Variants in AFG2A observed in about 807,000 individuals in gnomAD.
AFG2A encodes AAA ATPase AFG2A.
chr4:123,188,520 G>C, the AFG2A span, among the ~76,000 whole-genome samples: 1 of 152,136 alleles, frequency 6.6e-6, no homozygotes, highest in East Asian at 1.9e-4. Flanking sequence ...GTCGATCATA[G>C]AGCAATCACA....
the AFG2A span, among the ~76,000 whole-genome samples, chr4:123,090,859 C>A: frequency 6.6e-6 from 1 of 152,350 alleles, no homozygotes; most frequent in Non-Finnish European, 1.5e-5. Context: ...TGGTTACCAT[C>A]TTGTCTGAGT....
At chr4:122,966,878 A>G in the AFG2A span, among the ~76,000 whole-genome samples, 1 of 152,160 alleles carries the variant, frequency 6.6e-6, no homozygotes, top group Non-Finnish European at 1.5e-5. Context: ...CAATTGTTTA[A>G]TGAAGTAATT....
At chr4:123,065,730 A>T in the AFG2A span, among the ~76,000 whole-genome samples, 7 of 152,180 alleles carry the variant, frequency 4.6e-5, no homozygotes, top group African/African-American at 1.4e-4. Flanking sequence ...TATTTTATGT[A>T]ACTTACTGAA....
chr4:123,100,245 TAAGAAGTTCTTTAATCCGATGAACA>T, the AFG2A span, among the ~76,000 whole-genome samples: 1 of 151,824 alleles, frequency 6.6e-6, no homozygotes, highest in South Asian at 2.1e-4. Context: ...GTCAGACTAT[TAAGAAGTTCTTTAATCCGATGAACA>T]AGCAGCTGTT....
chr4:122,931,293 T>G, the AFG2A span, among the ~76,000 whole-genome samples: 4 of 152,282 alleles, frequency 2.6e-5, no homozygotes, highest in East Asian at 7.7e-4. Flanking sequence ...ATATATTTGA[T>G]TCATGAAATT....
the AFG2A span, among the ~76,000 whole-genome samples, chr4:123,006,569 T>A: frequency 6.6e-6 from 1 of 152,172 alleles, no homozygotes; most frequent in Non-Finnish European, 1.5e-5. Context: ...TTTTTGGTAA[T>A]CTCTATCTAG....
At chr4:123,220,423 G>C in the AFG2A span, among the ~76,000 whole-genome samples, 14 of 151,238 alleles carry the variant, frequency 9.3e-5, no homozygotes, top group Admixed American at 9.2e-4. Context: ...CAGCCTGGCC[G>C]ATGTGGTGAA....
the AFG2A span, among the ~76,000 whole-genome samples, chr4:123,008,869 C>T: frequency 8.5e-5 from 13 of 152,156 alleles, no homozygotes; most frequent in African/African-American, 3.1e-4. Context: ...ATAAAGTTTT[C>T]TTTAATGTCC....
the AFG2A span, among the ~76,000 whole-genome samples, chr4:122,937,788 T>C: frequency 6.6e-6 from 1 of 152,188 alleles, no homozygotes; most frequent in African/African-American, 2.4e-5. Context: ...CTCCAAGGGA[T>C]AGTATCTCTG....
the AFG2A span, among the ~76,000 whole-genome samples, chr4:123,024,270 T>C: frequency 7.0e-6 from 1 of 142,842 alleles, no homozygotes; most frequent in African/African-American, 2.6e-5. Context: ...AAGCAACCTG[T>C]GGCACAACGG....
chr4:123,126,352 C>CT, the AFG2A span, among the ~76,000 whole-genome samples: 2 of 152,078 alleles, frequency 1.3e-5, no homozygotes, highest in Non-Finnish European at 2.9e-5. Context: ...CTCTACAAAT[C>CT]TTTTTTCTCT....
chr4:123,071,907 A>G, the AFG2A span, among the ~76,000 whole-genome samples: 4 of 152,210 alleles, frequency 2.6e-5, no homozygotes, highest in African/African-American at 9.6e-5. Flanking sequence ...ATTCATTGTT[A>G]AATATTTCTT....
At chr4:123,269,245 G>A in the AFG2A span, among the ~76,000 whole-genome samples, 1 of 152,160 alleles carries the variant, frequency 6.6e-6, no homozygotes, top group East Asian at 1.9e-4. Flanking sequence ...CTACTTTGGT[G>A]GGGTCCCTGT....
At chr4:122,980,101 C>T in the AFG2A span, among the ~76,000 whole-genome samples, 1 of 152,150 alleles carries the variant, frequency 6.6e-6, no homozygotes. Context: ...ACAAAGATCC[C>T]TCATGTTGTC....
At chr4:122,952,095 A>G in the AFG2A span, among the ~76,000 whole-genome samples, 2 of 152,214 alleles carry the variant, frequency 1.3e-5, no homozygotes, top group Non-Finnish European at 2.9e-5. Flanking sequence ...GCATACTAGC[A>G]TCAGGACCCC....
At chr4:123,130,929 GT>G in the AFG2A span, among the ~76,000 whole-genome samples, 46,616 of 149,340 alleles carry the variant, frequency 0.31, 7,318 homozygotes, top group South Asian at 0.48. Flanking sequence ...TATTGTCAGT[GT>G]TTTTTTTTTC....
chr4:123,271,923 A>G, the AFG2A span, among the ~76,000 whole-genome samples: 1 of 151,964 alleles, frequency 6.6e-6, no homozygotes, highest in African/African-American at 2.4e-5. Flanking sequence ...TCTCACTGGC[A>G]CATGAGTAAG....
chr4:122,959,281 T>C, the AFG2A span, among the ~76,000 whole-genome samples: 1 of 152,244 alleles, frequency 6.6e-6, no homozygotes, highest in South Asian at 2.1e-4. Flanking sequence ...GTGATAGTAA[T>C]GTGCTCTTCC....
At chr4:123,062,027 C>T in the AFG2A span, among the ~76,000 whole-genome samples, 1 of 152,150 alleles carries the variant, frequency 6.6e-6, no homozygotes, top group Non-Finnish European at 1.5e-5. Flanking sequence ...CCAGACAAGG[C>T]ACTTTGTAGT....
Sources: gnomAD v4.1 joint callset for allele counts (sites outside exome capture counted in the v4.1 genomes callset) on GRCh38, gnomAD v4.1.1 for gene constraint, MANE v1.5 for transcripts, NCBI Gene and HGNC (gene_info 2026-07-23, HGNC 2026-07-21) for gene names.